The following EPB42 variants were observed in gnomAD, a reference collection of about 807,000 sequenced individuals.
EPB42 encodes erythrocyte membrane protein band 4.2.
Under a neutral mutation model 76.9 loss-of-function variants are expected in EPB42, and 49 were observed. The ratio of observed to expected loss-of-function variants is 0.64; its 90% CI spans 0.51 to 0.81. The LOEUF (loss-of-function observed/expected upper bound fraction) is 0.81, where lower values mean the gene tolerates loss of function less well. EPB42 is among the 30% of genes least tolerant of loss of function. The pLI is 0.00. For synonymous variants in EPB42, 310 were observed against 338.4 expected (o/e 0.92, Z 0.92); for missense variants, 731 against 867.6 (o/e 0.84, Z 1.98).
rs1327802787 is a variant in EPB42, at chr15:43,209,373, G to A, written c.733C>T (p.Arg245Cys). 6.2e-7 allele frequency: 1 copy of A among 1,614,038 alleles called. No homozygotes were observed. Among genetic ancestry groups the A allele is most frequent in the Non-Finnish European group, 8.5e-7 (1 of 1,179,986 alleles). The change falls in exon 6 of 13, where the codon CGC becomes TGC. Residue 245 changes from arginine (R) to cysteine (C), a missense_variant. Transcript: ENST00000441366. ...ATQEGALLNK[R>C]RGSVPILRQW... is the part of the protein sequence containing the mutation. Reference sequence around the variant, plus strand: ...CGCAGGATGGGCACGCTGCCCCGGCGCTTGTTCAGCAAGGCCCCTTCCTGG... The same window carrying A: ...CGCAGGATGGGCACGCTGCCCCGGCACTTGTTCAGCAAGGCCCCTTCCTGG...
intron 2 of EPB42, among the ~76,000 whole-genome samples, chr15:43,215,718 C>T (rs182430124): frequency 1.9e-4 from 29 of 152,174 alleles, no homozygotes; most frequent in African/African-American, 5.8e-4. Context: ...CTTTTTGAGA[C>T]GGAGTTTTGC....
Position 43,204,970 on chromosome 15 carries a change from C to CG in EPB42, c.1618+1359_1618+1360insC, listed in dbSNP as rs951663972. On this transcript the variant is annotated intron_variant, in intron 10 of 12. Coordinates refer to ENST00000441366, the MANE Select transcript of EPB42 (RefSeq NM_001114134.2). ...TCAGAAGGCTGCCCCCTCCGCCCCC[C>CG]CCCCAAAAAAAAGTTCCCAAGATGA... Among the ~76,000 whole-genome samples, 8 of 144,050 alleles carry CG rather than the reference C, an allele frequency of 5.6e-5. 2 individuals are homozygous for CG. The highest frequency in any genetic ancestry group is 4.1e-4 in the East Asian group (2 of 4,826). 94.5% of individuals were successfully genotyped at this position (144,050 alleles called of 152,430 possible). A position where few individuals can be genotyped will look rare whatever the true frequency, so the allele number is the denominator to read the frequency against.
chr15:43,225,195 CTA>C (rs556183487), upstream of EPB42, among the ~76,000 whole-genome samples: 74 of 152,326 alleles, frequency 4.9e-4, no homozygotes, highest in Non-Finnish European at 8.5e-4. Context: ...TTTATATAGA[CTA>C]TTTCTAGAAA....
chr15:43,223,090 G>T (rs143389881), upstream of EPB42, among the ~76,000 whole-genome samples: 2 of 152,266 alleles, frequency 1.3e-5, no homozygotes, highest in African/African-American at 4.8e-5. Flanking sequence ...GGCCGAGGCG[G>T]GTGGATCACG....
At chr15:43,203,352 C>G in intron 10 of EPB42, 77 bp from the exon 11 acceptor site, 4 of 1,579,878 alleles carry the variant, frequency 2.5e-6, no homozygotes, top group Non-Finnish European at 3.5e-6. Context: ...ACACACAATA[C>G]AAAGGACTCA....
intron 2 of EPB42, among the ~76,000 whole-genome samples, chr15:43,215,881 G>A (rs569437064): frequency 5.9e-5 from 9 of 152,226 alleles, no homozygotes; most frequent in East Asian, 1.9e-4. Context: ...TAGTAGAAAC[G>A]GGGCTTCACC....
chr15:43,215,242 C>T lies in EPB42; in HGVS notation c.283G>A (p.Glu95Lys), dbSNP rs2042359782. 3 of 1,614,048 alleles carry T rather than the reference C, an allele frequency of 1.9e-6. No individual in the cohort carries two copies. Among genetic ancestry groups the T allele is most frequent in the African/African-American group, 2.7e-5 (2 of 74,906 alleles). Residue 95 changes from glutamate (E) to lysine (K), a missense_variant, in exon 3 of 13, where the codon GAG becomes AAG. By Grantham distance (56) the Glu-to-Lys change is moderately conservative (BLOSUM62 1). Coordinates refer to ENST00000441366, the MANE Select transcript of EPB42 (RefSeq NM_001114134.2). ...GDRKWWSAVV[E>K]ERDAQSWTIS... ...GTCCAGGACTGGGCATCTCTCTCCT[C>T]CACCACTGCACTCCACCACTTTCGG...
chr15:43,206,343 G>C lies in EPB42; in HGVS notation c.1605C>G (p.Leu535=). The C allele has an allele frequency of 6.2e-7, 1 of 1,611,722 alleles. No homozygotes were observed. The highest frequency in any genetic ancestry group is 8.5e-7 in the Non-Finnish European group (1 of 1,178,096). The change falls in exon 10 of 13, where the codon CTC becomes CTG. Residue 535 remains leucine, a synonymous_variant. Transcript: ENST00000441366. The surrounding 1 kb of genome is among the most constrained non-coding windows in gnomAD (Gnocchi z 4.7). Reference sequence around the variant, plus strand: ...ATAGAGCATTACCCAGGTTGGCACTGAGCGTGAGGTGCAGCTTCTTCCTCC... The same window carrying C: ...ATAGAGCATTACCCAGGTTGGCACTCAGCGTGAGGTGCAGCTTCTTCCTCC... ...KLWRKKLHLT[L]SANLEKIITI... is the part of the protein sequence containing the mutation.
Position 43,211,542 on chromosome 15 carries a change from G to A in EPB42, c.431-8C>T. The A allele has an allele frequency of 2.5e-6, 4 of 1,592,604 alleles. No homozygotes were observed. The South Asian group carries it at 3.3e-5, about 13-fold the overall frequency. On this transcript the variant is annotated splice_polypyrimidine_tract_variant and splice_region_variant and intron_variant, in intron 3 of 12. Transcript: ENST00000441366. Reference sequence around the variant, plus strand: ...TCAGGAACACAGCATCCTCTGGTGAGAGGTGGGTAGGGATGAGGGCCTGTG... The same window carrying A: ...TCAGGAACACAGCATCCTCTGGTGAAAGGTGGGTAGGGATGAGGGCCTGTG...
rs745543848 is a variant in EPB42, at chr15:43,208,586, A to C, written c.971+51T>G. The C allele has an allele frequency of 2.5e-6, 4 of 1,612,870 alleles. No homozygotes were observed. The Admixed American group carries it at 5.0e-5, about 20-fold the overall frequency. ...GGGCTCCTGCAGAGGTGTGCTATGCAGGGTTGGAGCCCTTCCTGGACTGGA... is the reference window on the plus strand; with the variant it reads ...GGGCTCCTGCAGAGGTGTGCTATGCCGGGTTGGAGCCCTTCCTGGACTGGA... On this transcript the variant is annotated intron_variant, in intron 7 of 12. Transcript: ENST00000441366.
At chr15:43,201,823 G>A (rs765897985) in intron 12 of EPB42, 21 bp downstream of exon 12, 8 of 1,614,216 alleles carry the variant, frequency 5.0e-6, no homozygotes, top group Non-Finnish European at 6.8e-6. Context: ...TCAGGGGGAT[G>A]AGAAGCCTGC....
At chr15:43,216,159 C>T in intron 2 of EPB42, 109 bp downstream of exon 2, 1 of 1,382,944 alleles carries the variant, frequency 7.2e-7, no homozygotes. Context: ...CTTCTTACGG[C>T]CCAGCTGCAG....
At chr15:43,222,317 A>G (rs2042469832), upstream of EPB42, among the ~76,000 whole-genome samples, 1 of 152,236 alleles carries the variant, frequency 6.6e-6, no homozygotes, top group Non-Finnish European at 1.5e-5. Flanking sequence ...ATCAATAACA[A>G]GTCAGAAACT....
chr15:43,214,267 T>G (rs2042342487), intron 3 of EPB42, among the ~76,000 whole-genome samples: 1 of 152,050 alleles, frequency 6.6e-6, no homozygotes, highest in South Asian at 2.1e-4. Flanking sequence ...GGACATGTAT[T>G]ATGTCAGATG....
At chr15:43,211,273 G>A (rs1309048282) in intron 4 of EPB42, 143 bp downstream of exon 4, 1 of 752,866 alleles carries the variant, frequency 1.3e-6, no homozygotes, top group African/African-American at 1.7e-5. Context: ...CCCAGAGGAA[G>A]GAGAGGCACC....
At chr15:43,219,646 C>A in intron 1 of EPB42, among the ~76,000 whole-genome samples, 1 of 152,172 alleles carries the variant, frequency 6.6e-6, no homozygotes, top group Admixed American at 6.5e-5. Context: ...CTGGTCTCTA[C>A]AGAATAAAAA....
intron 3 of EPB42, among the ~76,000 whole-genome samples, chr15:43,212,040 C>G (rs557879980): frequency 1.3e-5 from 2 of 151,606 alleles, no homozygotes; most frequent in South Asian, 4.2e-4. Flanking sequence ...GCACTCCAGC[C>G]TGGGTGACAG....
intron 12 of EPB42, among the ~76,000 whole-genome samples, chr15:43,201,044 T>C (rs544939706): frequency 2.0e-5 from 3 of 152,308 alleles, no homozygotes; most frequent in African/African-American, 7.2e-5. Flanking sequence ...TCGATCCTCC[T>C]GACCTTGTGA....
Position 43,207,407 on chromosome 15 carries a change from T to A in EPB42, c.1110A>T (p.Ala370=), listed in dbSNP as rs1402161445. Reference sequence around the variant, plus strand: ...TCAGCCCCAGCGTCCCCTCCTTGACTGCTCTGACCGGCACCAGATCACAGG... The same window carrying A: ...TCAGCCCCAGCGTCCCCTCCTTGACAGCTCTGACCGGCACCAGATCACAGG... ...LGSCDLVPVR[A]VKEGTLGLTP... is the part of the protein sequence containing the mutation. Residue 370 remains alanine (A), a synonymous_variant, in exon 9 of 13, where the codon GCA becomes GCT. Coordinates refer to ENST00000441366, the MANE Select transcript of EPB42 (RefSeq NM_001114134.2). The A allele has an allele frequency of 6.2e-7, 1 of 1,614,084 alleles. No individual in the cohort carries two copies. Among genetic ancestry groups the A allele is most frequent in the Non-Finnish European group, 8.5e-7 (1 of 1,180,026 alleles).
Sources: gnomAD v4.1 joint callset for allele counts (sites outside exome capture counted in the v4.1 genomes callset) on GRCh38, gnomAD v4.1.1 for gene constraint, Gnocchi (gnomAD v3.1) non-coding constraint, MANE v1.5 for transcripts, NCBI Gene and HGNC (gene_info 2026-07-23, HGNC 2026-07-21) for gene names.